NDST4: variants seen among roughly 807,000 people sequenced by gnomAD.
NDST4 encodes the protein N-heparan sulfate sulfotransferase 4.
In NDST4, 63 loss-of-function variants were observed where a neutral mutation model predicts 100.8. The ratio of observed to expected loss-of-function variants is 0.62; its 90% CI spans 0.51 to 0.77. The LOEUF is 0.77. Ranked by LOEUF, NDST4 falls within the 30% of genes least tolerant of loss-of-function variation. NDST4 has a pLI of 0.00. For missense variants in NDST4, 943 were observed against 1,018.4 expected (o/e 0.93, Z 1.01); for synonymous variants, 377 against 361.8 (o/e 1.04, Z -0.48).
rs1724250861 is a variant in NDST4, at chr4:114,876,183, A to G, written c.1537-5233T>C. Among the ~76,000 whole-genome samples the G allele has an allele frequency of 2.0e-5, 3 of 152,190 alleles. No homozygotes were observed. The South Asian group carries it at 6.2e-4, about 31-fold the overall frequency. On this transcript the variant is annotated intron_variant, in intron 6 of 13. Transcript: ENST00000264363. ...TTGCTTTGTGCTCACGCTGCAGCACAGTATTTTTCAAGATAGGCATTAAAT... is the reference window on the plus strand; with the variant it reads ...TTGCTTTGTGCTCACGCTGCAGCACGGTATTTTTCAAGATAGGCATTAAAT...
intron 12 of NDST4, among the ~76,000 whole-genome samples, chr4:114,832,269 A>C (rs1723215997): frequency 6.6e-6 from 1 of 152,194 alleles, no homozygotes; most frequent in East Asian, 1.9e-4. Flanking sequence ...TAAAAACTTC[A>C]TTAAGGTTGT....
At chr4:115,103,289 T>C (rs1729769543) in intron 1 of NDST4, among the ~76,000 whole-genome samples, 1 of 152,150 alleles carries the variant, frequency 6.6e-6, no homozygotes, top group South Asian at 2.1e-4. Context: ...TTCAGAGAAC[T>C]CAAGGGATGA....
chr4:115,067,971 C>T (rs1050324275), intron 2 of NDST4, among the ~76,000 whole-genome samples: 13 of 136,902 alleles, frequency 9.5e-5, no homozygotes, highest in Non-Finnish European at 2.0e-4. Context: ...TCAATTCCCA[C>T]CTATGAGTGA....
chr4:114,877,614 G>T (rs1031884477), intron 6 of NDST4, among the ~76,000 whole-genome samples: 1 of 152,132 alleles, frequency 6.6e-6, no homozygotes, highest in East Asian at 1.9e-4. Flanking sequence ...TATTAATTTA[G>T]GTAGATGTTT....
chr4:114,861,415 G>T (rs375824335), intron 7 of NDST4, among the ~76,000 whole-genome samples: 2 of 152,108 alleles, frequency 1.3e-5, no homozygotes, highest in East Asian at 3.9e-4. Flanking sequence ...TTTATTATTT[G>T]ATTCCACATT....
intron 2 of NDST4, among the ~76,000 whole-genome samples, chr4:114,995,983 G>A (rs1727152632): frequency 6.6e-6 from 1 of 151,988 alleles, no homozygotes; most frequent in African/African-American, 2.4e-5. Context: ...TTATATTCAT[G>A]AAGAAACAAA....
chr4:115,067,792 G>C (rs1282955606), intron 2 of NDST4, among the ~76,000 whole-genome samples: 1 of 151,098 alleles, frequency 6.6e-6, no homozygotes, highest in East Asian at 1.9e-4. Context: ...TGTGCACAAC[G>C]TGCAGGTTTG....
chr4:114,882,718 A>G (rs1724396693), intron 6 of NDST4, among the ~76,000 whole-genome samples: 2 of 152,110 alleles, frequency 1.3e-5, no homozygotes, highest in African/African-American at 4.8e-5. Flanking sequence ...TGACAGCTGA[A>G]ATATTCTAAA....
intron 1 of NDST4, among the ~76,000 whole-genome samples, chr4:115,094,339 G>GT (rs1273687095): frequency 6.6e-6 from 1 of 152,034 alleles, no homozygotes; most frequent in African/African-American, 2.4e-5. Context: ...AAAGAATAAT[G>GT]TAATTCCAAC....
At chr4:115,005,624 A>G (rs1727395715) in intron 2 of NDST4, among the ~76,000 whole-genome samples, 1 of 152,168 alleles carries the variant, frequency 6.6e-6, no homozygotes, top group Admixed American at 6.6e-5. Context: ...CTAAAAGTGC[A>G]GGGTTTACTA....
At chr4:115,012,413 T>C (rs1190304313) in intron 2 of NDST4, among the ~76,000 whole-genome samples, 3 of 152,010 alleles carry the variant, frequency 2.0e-5, no homozygotes, top group Non-Finnish European at 4.4e-5. Context: ...AAATGTTTTA[T>C]TACTTGACGG....
At chr4:115,016,520 A>G (rs1727680044) in intron 2 of NDST4, among the ~76,000 whole-genome samples, 1 of 152,100 alleles carries the variant, frequency 6.6e-6, no homozygotes, top group Non-Finnish European at 1.5e-5. Flanking sequence ...AGACCCAACA[A>G]TGATTCCACT....
intron 13 of NDST4, among the ~76,000 whole-genome samples, chr4:114,829,123 C>T (rs1723141782): frequency 6.6e-6 from 1 of 152,072 alleles, no homozygotes; most frequent in Admixed American, 6.6e-5. Flanking sequence ...CCATGAATCA[C>T]CTGCATCCCC....
At chr4:114,896,620 C>T (rs1230170841) in intron 6 of NDST4, among the ~76,000 whole-genome samples, 1 of 114,110 alleles carries the variant, frequency 8.8e-6, no homozygotes, top group African/African-American at 4.1e-5. Flanking sequence ...GAGACTCCGT[C>T]TCAAAAAAAA....
chr4:114,950,794 T>C, intron 4 of NDST4, among the ~76,000 whole-genome samples: 1 of 151,558 alleles, frequency 6.6e-6, no homozygotes, highest in Non-Finnish European at 1.5e-5. Flanking sequence ...CAGTTGTTCA[T>C]TTTTTTTTCT....
At chr4:115,010,948 G>A (rs1269901087) in intron 2 of NDST4, among the ~76,000 whole-genome samples, 2 of 152,102 alleles carry the variant, frequency 1.3e-5, no homozygotes, top group East Asian at 3.9e-4. Context: ...GTTGAATTTA[G>A]CACAGGTTCA....
chr4:115,100,221 T>C (rs1207202758), intron 1 of NDST4, among the ~76,000 whole-genome samples: 1 of 152,014 alleles, frequency 6.6e-6, no homozygotes, highest in African/African-American at 2.4e-5. Context: ...AATTTTTCTA[T>C]TTAATACTAT....
Position 115,111,856 on chromosome 4 carries a change from C to T in NDST4, c.-247+1588G>A, listed in dbSNP as rs147113459. 2.4e-3 allele frequency among the ~76,000 whole-genome samples: 363 copies of T among 151,900 alleles called. 2 individuals carry two copies. Among genetic ancestry groups the T allele is most frequent in the African/African-American group, 8.3e-3 (344 of 41,460 alleles). ...AATTAGCTTATTATGAGATGTCTAT[C>T]AATGTAAACATTGTTTAATATTGAT... On this transcript the variant is annotated intron_variant, in intron 1 of 13. Coordinates refer to ENST00000264363, the MANE Select transcript of NDST4 (RefSeq NM_022569.3).
At chr4:115,031,627 A>C (rs923526359) in intron 2 of NDST4, among the ~76,000 whole-genome samples, 1 of 152,068 alleles carries the variant, frequency 6.6e-6, no homozygotes, top group African/African-American at 2.4e-5. Context: ...GGGACTCACT[A>C]AACTCCCTCA....
Sources: gnomAD v4.1 joint callset for allele counts (sites outside exome capture counted in the v4.1 genomes callset) on GRCh38, gnomAD v4.1.1 for gene constraint, MANE v1.5 for transcripts, NCBI Gene and HGNC (gene_info 2026-07-23, HGNC 2026-07-21) for gene names.